Variants in IL37 observed in about 807,000 individuals in gnomAD.
The protein encoded by IL37 is interleukin 37.
A neutral mutation model predicts 15.4 loss-of-function variants in IL37; 15 were observed. The ratio of observed to expected loss-of-function variants is 0.98; its 90% CI spans 0.65 to 1.50. IL37 has a LOEUF of 1.50. Among genes scored for constraint, IL37 ranks in the 40% most tolerant of loss-of-function variants. IL37 has a pLI of 0.00. For synonymous variants in IL37, 98 were observed against 97.4 expected, an observed-to-expected ratio of 1.01 and a Z score of -0.03; for missense variants, 269 against 261.7, an observed-to-expected ratio of 1.03 and a Z score of -0.19.
intron 4 of IL37, 26 bp from the exon 5 acceptor site, chr2:112,917,609 C>T (rs929533525): frequency 1.3e-6 from 2 of 1,543,322 alleles, no homozygotes; most frequent in African/African-American, 2.8e-5. Context: ...TCAGAACCCA[C>T]ACATGTTCTG....
At chr2:112,913,922 T>A in intron 3 of IL37, 68 bp downstream of exon 3, 1 of 1,269,906 alleles carries the variant, frequency 7.9e-7, no homozygotes, top group Non-Finnish European at 1.2e-6. Context: ...ATGGAGCCAT[T>A]GGGTCCTCTT....
Position 112,917,259 on chromosome 2 carries a change from G to A in IL37, c.265+11G>A. 3 of 1,613,602 alleles carry A rather than the reference G, an allele frequency of 1.9e-6. No homozygotes were observed. The highest frequency in any genetic ancestry group is 2.5e-6 in the Non-Finnish European group (3 of 1,179,798). Reference sequence around the variant, plus strand: ...ACTACATACGCCCAGGTGACTCTCAGTTTTGGCTGTGTTTTCTGCCTCCAC... The same window carrying A: ...ACTACATACGCCCAGGTGACTCTCAATTTTGGCTGTGTTTTCTGCCTCCAC... On this transcript the variant is annotated intron_variant, in intron 4 of 5. Coordinates refer to ENST00000263326, the MANE Select transcript of IL37 (RefSeq NM_014439.4).
Position 112,913,808 on chromosome 2 carries a change from C to T in IL37, c.99C>T (p.Pro33=). 2.5e-6 allele frequency: 4 copies of T among 1,613,788 alleles called. No individual in the cohort carries two copies. Among genetic ancestry groups the T allele is most frequent in the Non-Finnish European group, 3.4e-6 (4 of 1,179,674 alleles). The part of the protein sequence containing the change: ...QCCLEDPAGS[P]LEPGPSLPTM... ...TGACTGCAGACCCGGCTGGAAGCCCCCTGGAACCAGGCCCAAGCCTCCCCA... is the reference window on the plus strand; with the variant it reads ...TGACTGCAGACCCGGCTGGAAGCCCTCTGGAACCAGGCCCAAGCCTCCCCA... Residue 33 remains proline, a synonymous_variant, in exon 3 of 6, where the codon CCC becomes CCT. Transcript: ENST00000263326.
At chr2:112,912,896 A>C in intron 1 of IL37, 67 bp from the exon 2 acceptor site, 5 of 693,176 alleles carry the variant, frequency 7.2e-6, no homozygotes, top group Non-Finnish European at 9.6e-6. Context: ...GTTCAGCACT[A>C]GAGACATGCA....
chr2:112,915,254 T>A (rs896680630), intron 3 of IL37: 1 of 1,613,332 alleles, frequency 6.2e-7, no homozygotes, highest in Admixed American at 1.7e-5. Context: ...AAGAAGCGCT[T>A]AAGAGGTACA....
At chr2:112,918,419 T>C (rs1270019872) in intron 5 of IL37, 142 bp from the exon 6 acceptor site, 3 of 896,932 alleles carry the variant, frequency 3.3e-6, no homozygotes, top group Non-Finnish European at 5.0e-6. Flanking sequence ...GTACCAAGGC[T>C]GACACGTCAT....
chr2:112,917,706 G>C lies in IL37; in HGVS notation c.337G>C (p.Val113Leu). 6.2e-7 allele frequency: 1 copy of C among 1,613,618 alleles called. No individual in the cohort carries two copies. Among genetic ancestry groups the C allele is most frequent in the Non-Finnish European group, 8.5e-7 (1 of 1,179,768 alleles). The change falls in exon 5 of 6, where the codon GTC (valine) becomes CTC (leucine). Residue 113 changes from valine (V) to leucine (L), a missense_variant. By Grantham distance (32) the Val-to-Leu change is conservative. Transcript: ENST00000263326. ...AEKGSPILLG[V>L]SKGEFCLYCD... Reference sequence around the variant, plus strand: ...GAAAGGAAGTCCGATTCTCCTGGGGGTCTCTAAAGGGGAGTTTTGTCTCTA... The same window carrying C: ...GAAAGGAAGTCCGATTCTCCTGGGGCTCTCTAAAGGGGAGTTTTGTCTCTA...
In IL37 at chr2:112,917,847, T is replaced by C. The variant is rs1029963506; in HGVS notation, c.408+70T>C. The C allele has an allele frequency of 5.3e-6, 8 of 1,517,538 alleles. No homozygotes were observed. The African/African-American group carries it at 9.6e-5, about 18-fold the overall frequency. 94.0% of individuals were successfully genotyped at this position (1,517,538 alleles called of 1,614,324 possible). A position where few individuals can be genotyped will look rare whatever the true frequency, so the allele number is the denominator to read the frequency against. ...GTAAAAGGCCAAGATCCTCAATGCC[T>C]CTCGCTTTCCTGCAAATTCTTATCT... On this transcript the variant is annotated intron_variant, in intron 5 of 5. Transcript: ENST00000263326.
intron 1 of IL37, among the ~76,000 whole-genome samples, chr2:112,911,570 T>C (rs755522697): frequency 6.6e-6 from 1 of 152,136 alleles, no homozygotes; most frequent in Non-Finnish European, 1.5e-5. Flanking sequence ...AAAATATTGG[T>C]CCTTGGGAAC....
At position 112,914,929 on chromosome 2, in the gene IL37, A is replaced by G. The variant is rs28947193; in HGVS notation, c.145+1075A>G. On this transcript the variant is annotated intron_variant, in intron 3 of 5. Transcript: ENST00000263326. ...CTGAGGCTCTAGGGGCTGCTTTAACAAGACTTCCAGGTTATCGTGACGCAC... is the reference window on the plus strand; with the variant it reads ...CTGAGGCTCTAGGGGCTGCTTTAACGAGACTTCCAGGTTATCGTGACGCAC... Among the ~76,000 whole-genome samples, 668 of 152,264 alleles carry G rather than the reference A, an allele frequency of 4.4e-3. 4 individuals carry two copies. The highest frequency in any genetic ancestry group is 0.015 in the African/African-American group (635 of 41,536).
chr2:112,913,220 C>G, intron 2 of IL37, 126 bp downstream of exon 2: 1 of 557,268 alleles, frequency 1.8e-6, no homozygotes, highest in Non-Finnish European at 3.0e-6. Context: ...TTTCAAATTT[C>G]CCTGGACAAA....
chr2:112,914,820 G>A (rs1008893488), intron 3 of IL37, among the ~76,000 whole-genome samples: 10 of 152,258 alleles, frequency 6.6e-5, no homozygotes, highest in Admixed American at 3.9e-4. Context: ...GTCCTCAAAC[G>A]TCAGCAGCAT....
intron 5 of IL37, among the ~76,000 whole-genome samples, chr2:112,918,313 GTCTC>G (rs113652399): frequency 0.047 from 6,924 of 148,354 alleles, 206 homozygotes; most frequent in Non-Finnish European, 0.076. Context: ...TGACTCTTAC[GTCTC>G]TCTCTCTCTC....
chr2:112,911,960 G>C (rs1683187337), intron 1 of IL37, among the ~76,000 whole-genome samples: 1 of 152,158 alleles, frequency 6.6e-6, no homozygotes, highest in Non-Finnish European at 1.5e-5. Context: ...AGATATCCCT[G>C]TTCCTAAAGA....
At position 112,917,041 on chromosome 2, in the gene IL37, T is replaced by A; in HGVS notation, c.146-88T>A. The A allele has an allele frequency of 2.0e-6, 3 of 1,474,160 alleles. No homozygotes were observed. In the East Asian group the frequency reaches 7.0e-5, roughly 34 times the overall value. 91.3% of individuals were successfully genotyped at this position (1,474,160 alleles called of 1,614,324 possible). On this transcript the variant is annotated intron_variant, in intron 3 of 5. Transcript: ENST00000263326. ...TGAGCCCACAGGCAGGGTGGAGAGC[T>A]AGGGCTGGGGCCCTTGGACGTGGGG...
chr2:112,914,037 A>G (rs1487040623), intron 3 of IL37, among the ~76,000 whole-genome samples, 183 bp downstream of exon 3: 1 of 152,162 alleles, frequency 6.6e-6, no homozygotes, highest in Admixed American at 6.5e-5. Flanking sequence ...TCTGGGAAAG[A>G]TGAGCCCGGG....
At chr2:112,915,981 G>C (rs1029564006) in intron 3 of IL37, among the ~76,000 whole-genome samples, 10 of 150,428 alleles carry the variant, frequency 6.6e-5, no homozygotes, top group Admixed American at 6.6e-4. Flanking sequence ...CTGTGCAGAG[G>C]GGGCTGAGGA....
rs769952823 is a variant in IL37, at chr2:112,917,154, G to A, written c.171G>A (p.Pro57=). The A allele has an allele frequency of 5.6e-6, 9 of 1,613,900 alleles. No individual in the cohort carries two copies. The highest frequency in any genetic ancestry group is 1.1e-5 in the South Asian group (1 of 91,068). The change falls in exon 4 of 6, where the codon CCG becomes CCA. Residue 57 remains proline (P), a synonymous_variant. Transcript: ENST00000263326. ...HTSPKVKNLN[P]KKFSIHDQDH... Reference sequence around the variant, plus strand: ...GTCCAAAGGTGAAGAACTTAAACCCGAAGAAATTCAGCATTCATGACCAGG... The same window carrying A: ...GTCCAAAGGTGAAGAACTTAAACCCAAAGAAATTCAGCATTCATGACCAGG...
Position 112,917,625 on chromosome 2 carries a change from CTT to C in IL37, c.266-6_266-5del, listed in dbSNP as rs1394307834. 1 of 1,556,278 alleles carries C rather than the reference CTT, an allele frequency of 6.4e-7. No individual in the cohort carries two copies. Among genetic ancestry groups the C allele is most frequent in the African/African-American group, 1.4e-5 (1 of 72,640 alleles). On this transcript the variant is annotated splice_polypyrimidine_tract_variant and splice_region_variant and intron_variant, in intron 4 of 5. Coordinates refer to ENST00000263326, the MANE Select transcript of IL37 (RefSeq NM_014439.4). ...CAGAACCCACACATGTTCTGACTGT[CTT>C]TTTCCAGAGATCTTCTTTGCATTAG...
Sources: gnomAD v4.1 joint callset for allele counts (sites outside exome capture counted in the v4.1 genomes callset) on GRCh38, gnomAD v4.1.1 for gene constraint, MANE v1.5 for transcripts, NCBI Gene and HGNC (gene_info 2026-07-23, HGNC 2026-07-21) for gene names.